Variants in NALF1 observed in about 807,000 individuals in gnomAD.
NALF1 encodes NALCN channel auxiliary factor 1.
Under a neutral mutation model 48.4 loss-of-function variants are expected in NALF1, and 3 were observed. That is an observed-to-expected ratio of 0.06 (90% CI 0.03 to 0.16). The LOEUF is 0.16. Ranked by LOEUF, NALF1 falls within the 10% of genes least tolerant of loss-of-function variation. The pLI is 1.00. For synonymous variants in NALF1, 262 were observed against 245.7 expected, an observed-to-expected ratio of 1.07 and a Z score of -0.62; for missense variants, 526 against 571.5, an observed-to-expected ratio of 0.92 and a Z score of 0.81.
chr13:107,341,055 C>T (rs535148390), intron 1 of NALF1, among the ~76,000 whole-genome samples: 11 of 152,150 alleles, frequency 7.2e-5, no homozygotes, highest in African/African-American at 1.9e-4. Flanking sequence ...CCGCCCCCGC[C>T]GCCCCGAACA....
At chr13:107,575,687 G>A (rs1382940919) in intron 1 of NALF1, among the ~76,000 whole-genome samples, 1 of 152,040 alleles carries the variant, frequency 6.6e-6, no homozygotes, top group African/African-American at 2.4e-5. Context: ...TGTTAAAGAT[G>A]GACTCCTGGC....
Position 107,740,780 on chromosome 13 carries a change from C to T in NALF1, c.915+124902G>A, listed in dbSNP as rs146379525. ...TTTGCCAAATTGGTGGACTACTTTG[C>T]CAATCCTTGCTAGCTTTTTTAGAGA... On this transcript the variant is annotated intron_variant, in intron 1 of 2. Coordinates refer to ENST00000375915, the MANE Select transcript of NALF1 (RefSeq NM_001080396.3). 8.5e-3 allele frequency among the ~76,000 whole-genome samples: 1,297 copies of T among 152,260 alleles called. 7 individuals carry two copies. Among genetic ancestry groups the T allele is most frequent in the Middle Eastern group, 0.024 (7 of 294 alleles).
chr13:107,834,658 A>G lies in NALF1; in HGVS notation c.915+31024T>C, dbSNP rs904293749. ...TACTGTGATTTTTTTACAAGAAAAAATAGACTCAATTTTCATTTTCATATT... is the reference window on the plus strand; with the variant it reads ...TACTGTGATTTTTTTACAAGAAAAAGTAGACTCAATTTTCATTTTCATATT... On this transcript the variant is annotated intron_variant, in intron 1 of 2. Transcript: ENST00000375915. Among the ~76,000 whole-genome samples the G allele has an allele frequency of 5.3e-5, 8 of 152,210 alleles. No individual in the cohort carries two copies. In the East Asian group the frequency reaches 9.6e-4, roughly 18 times the overall value.
chr13:107,865,607 T>A, intron 1 of NALF1, 75 bp downstream of exon 1: 1 of 1,523,494 alleles, frequency 6.6e-7, no homozygotes, highest in Non-Finnish European at 8.8e-7. Context: ...ATAATAATAA[T>A]AAACTTGAGA....
At chr13:107,758,390 T>G (rs1877174643) in intron 1 of NALF1, among the ~76,000 whole-genome samples, 1 of 152,208 alleles carries the variant, frequency 6.6e-6, no homozygotes, top group Non-Finnish European at 1.5e-5. Flanking sequence ...TAAAACCACA[T>G]GCATTATTGT....
intron 2 of NALF1, among the ~76,000 whole-genome samples, chr13:107,202,780 A>G (rs1005692447): frequency 1.3e-5 from 2 of 152,138 alleles, no homozygotes; most frequent in African/African-American, 4.8e-5. Context: ...CCGTTAACCT[A>G]CTGACTGACT....
intron 1 of NALF1, among the ~76,000 whole-genome samples, chr13:107,721,873 T>C (rs544494291): frequency 1.3e-4 from 20 of 152,318 alleles, no homozygotes; most frequent in African/African-American, 4.8e-4. Flanking sequence ...AACACATCCC[T>C]ACCGCAGATT....
At chr13:107,734,504 C>T (rs1876410075) in intron 1 of NALF1, among the ~76,000 whole-genome samples, 1 of 151,796 alleles carries the variant, frequency 6.6e-6, no homozygotes, top group Non-Finnish European at 1.5e-5. Context: ...CCTGCAATAC[C>T]AGGAGTCTTT....
chr13:107,176,317 T>G (rs4996707), intron 2 of NALF1, among the ~76,000 whole-genome samples: 262 of 20,278 alleles, frequency 0.013, 10 homozygotes, highest in African/African-American at 0.057. Context: ...AACCTCACAG[T>G]TTTTTTTTTT....
chr13:107,768,578 C>T (rs190305658), intron 1 of NALF1, among the ~76,000 whole-genome samples: 1 of 152,052 alleles, frequency 6.6e-6, no homozygotes, highest in Non-Finnish European at 1.5e-5. Context: ...GAATCATTCT[C>T]GGAATAACTT....
chr13:107,672,315 C>T (rs954571199), intron 1 of NALF1, among the ~76,000 whole-genome samples: 16 of 152,170 alleles, frequency 1.1e-4, no homozygotes, highest in African/African-American at 3.4e-4. Flanking sequence ...CACACATATT[C>T]GTCAAGGCGT....
rs1880776400 is a variant in NALF1, at chr13:107,867,470, A to G, written c.-874T>C. ...TCAGTCCGCGGGCTAAGTTGCCGCC[A>G]TCTTCGTCCTGGAGAAACACTTTTT... is the stretch of plus-strand genomic sequence containing the variant. On this transcript the variant is annotated 5_prime_UTR_variant, in exon 1 of 3. The change abolishes an upstream ATG in the 5' untranslated region. Transcript: ENST00000375915. The surrounding 1 kb of genome is among the most constrained non-coding windows in gnomAD (Gnocchi z 4.4). Among the ~76,000 whole-genome samples the G allele has an allele frequency of 6.7e-6, 1 of 148,802 alleles. No homozygotes were observed. Among genetic ancestry groups the G allele is most frequent in the Non-Finnish European group, 1.5e-5 (1 of 66,952 alleles).
chr13:107,791,534 A>G (rs578095489), intron 1 of NALF1, among the ~76,000 whole-genome samples: 1 of 152,344 alleles, frequency 6.6e-6, no homozygotes, highest in East Asian at 1.9e-4. Flanking sequence ...AGTTTAGGCT[A>G]TATGATGATC....
intron 1 of NALF1, among the ~76,000 whole-genome samples, chr13:107,385,574 AAAACAAAG>A (rs1883516402): frequency 1.3e-5 from 2 of 149,738 alleles, no homozygotes; most frequent in African/African-American, 4.9e-5. Context: ...AAAAAAAAAA[AAAACAAAG>A]AAAAGAAAAA....
chr13:107,165,536 CA>C lies in NALF1; in HGVS notation c.*4960del, dbSNP rs1878640016. 1 of 152,260 alleles carries C rather than the reference CA, an allele frequency of 6.6e-6. No individual in the cohort carries two copies. Among genetic ancestry groups the C allele is most frequent in the East Asian group, 1.9e-4 (1 of 5,182 alleles). 9.4% of individuals were successfully genotyped at this position (152,260 alleles called of 1,614,324 possible). Reference sequence around the variant, plus strand: ...AACATAGCCCTGAAGTACAGTATCTCAAGAATAAAAACCATAGTTCATATTT... The same window carrying C: ...AACATAGCCCTGAAGTACAGTATCTCAGAATAAAAACCATAGTTCATATTT... On this transcript the variant is annotated 3_prime_UTR_variant, in exon 3 of 3. Coordinates refer to ENST00000375915, the MANE Select transcript of NALF1 (RefSeq NM_001080396.3).
At chr13:107,742,821 T>C (rs539035521) in intron 1 of NALF1, among the ~76,000 whole-genome samples, 2 of 152,226 alleles carry the variant, frequency 1.3e-5, no homozygotes, top group South Asian at 4.2e-4. Context: ...CAGCAGAGGG[T>C]CTGGCACCCA....
intron 1 of NALF1, among the ~76,000 whole-genome samples, chr13:107,413,484 AT>A (rs145145408): frequency 0.22 from 32,757 of 152,026 alleles, 3,985 homozygotes; most frequent in Middle Eastern, 0.27. Flanking sequence ...TTTTTAGATC[AT>A]ATATATTTAA....
At chr13:107,642,509 G>A (rs565077263) in intron 1 of NALF1, among the ~76,000 whole-genome samples, 54 of 152,292 alleles carry the variant, frequency 3.5e-4, no homozygotes, top group Middle Eastern at 3.4e-3. Flanking sequence ...AGCTGAAATG[G>A]TCTATTTTGT....
intron 1 of NALF1, among the ~76,000 whole-genome samples, chr13:107,682,935 C>T (rs1881341327): frequency 6.6e-6 from 1 of 152,086 alleles, no homozygotes; most frequent in Admixed American, 6.5e-5. Flanking sequence ...ATGTTTAGGG[C>T]CAATTTTAGT....
Sources: allele counts gnomAD v4.1 joint callset (sites outside exome capture counted in the v4.1 genomes callset), GRCh38; gene constraint gnomAD v4.1.1; non-coding constraint Gnocchi (gnomAD v3.1); transcripts MANE v1.5; gene names NCBI Gene and HGNC (gene_info 2026-07-23, HGNC 2026-07-21).